Variants in AP4S1 observed in about 807,000 individuals in gnomAD.
The protein encoded by AP4S1 is adaptor related protein complex 4 subunit sigma 1.
In AP4S1, 23 loss-of-function variants were observed where a neutral mutation model predicts 19.8. The ratio of observed to expected loss-of-function variants is 1.16; its 90% CI spans 0.84 to 1.65. The LOEUF is 1.65. AP4S1 is among the 40% of genes most tolerant of loss of function. The pLI is 0.00. For synonymous variants in AP4S1, 46 were observed against 54.1 expected (o/e 0.85, Z 0.66); for missense variants, 166 against 172.8 (o/e 0.96, Z 0.22).
intron 5 of AP4S1, chr14:31,085,462 G>C: frequency 2.0e-6 from 2 of 986,110 alleles, no homozygotes; most frequent in Non-Finnish European, 2.4e-6. Flanking sequence ...CTAGAATCCG[G>C]AATGTTTTCT....
At chr14:31,083,218 G>T (rs954551518) in intron 5 of AP4S1, among the ~76,000 whole-genome samples, 1 of 152,068 alleles carries the variant, frequency 6.6e-6, no homozygotes, top group Non-Finnish European at 1.5e-5. Context: ...AAAATTTTAC[G>T]TCAAGATACA....
intron 4 of AP4S1, among the ~76,000 whole-genome samples, chr14:31,073,820 A>G (rs1887196919): frequency 6.6e-6 from 1 of 150,770 alleles, no homozygotes; most frequent in Admixed American, 6.6e-5. Flanking sequence ...CTGGGATTAC[A>G]GGCGTGAGCC....
At chr14:31,027,728 A>G (rs1274565379) in intron 1 of AP4S1, among the ~76,000 whole-genome samples, 1 of 152,230 alleles carries the variant, frequency 6.6e-6, no homozygotes, top group Non-Finnish European at 1.5e-5. Flanking sequence ...TATTTTAAGT[A>G]CAATAGTGGG....
intron 4 of AP4S1, among the ~76,000 whole-genome samples, chr14:31,073,485 G>C (rs12880501): frequency 0.45 from 65,570 of 145,226 alleles, 16,395 homozygotes; most frequent in Admixed American, 0.6. Flanking sequence ...GCGAGACTCC[G>C]TCTCAGAAAA....
intron 1 of AP4S1, among the ~76,000 whole-genome samples, chr14:31,049,258 C>T (rs1254888562): frequency 6.7e-6 from 1 of 150,108 alleles, no homozygotes; most frequent in African/African-American, 2.4e-5. Context: ...CTAAAAAATA[C>T]AAAAAATTAG....
chr14:31,051,993 G>A lies in AP4S1; in HGVS notation c.-71-14133G>A, dbSNP rs114120103. On this transcript the variant is annotated intron_variant, in intron 1 of 5. Transcript: ENST00000542754. ...ATTTTAATAATTAAAAGACATGGCC[G>A]GGTGAGATGACTCACTCCTATAATG... Among the ~76,000 whole-genome samples the A allele has an allele frequency of 1.0e-2, 1,516 of 152,216 alleles. 31 individuals are homozygous for A. The highest frequency in any genetic ancestry group is 0.033 in the African/African-American group (1,372 of 41,524).
At position 31,025,712 on chromosome 14, in the gene AP4S1, C is replaced by G; in HGVS notation, c.-147C>G. ...CGCGTAGCCAGTGAAGGTTGGGGAG[C>G]AAGCTTATGCGGGAAAGAGGGAGGG... On this transcript the variant is annotated 5_prime_UTR_variant, in exon 1 of 6. Transcript: ENST00000542754. The G allele has an allele frequency of 6.0e-6, 5 of 827,546 alleles. No homozygotes were observed. The highest frequency in any genetic ancestry group is 9.1e-6 in the Non-Finnish European group (5 of 551,574). 51.3% of individuals were successfully genotyped at this position (827,546 alleles called of 1,614,324 possible). A position where few individuals can be genotyped will look rare whatever the true frequency, so the allele number is the denominator to read the frequency against.
Position 31,095,386 on chromosome 14 carries a change from G to GC in AP4S1, c.*2355dup, listed in dbSNP as rs1380537593. ...TAATGGATGGTCAGACATTAAGACA[G>GC]CCCCAGAGAGCCCCTACAGCTATCC... On this transcript the variant is annotated 3_prime_UTR_variant, in exon 6 of 6. Transcript: ENST00000542754. The GC allele has an allele frequency of 6.6e-6, 1 of 152,114 alleles. No homozygotes were observed. The highest frequency in any genetic ancestry group is 1.5e-5 in the Non-Finnish European group (1 of 68,050). The allele number at this position is 152,114 out of a possible 1,614,324, so 9.4% of individuals were successfully genotyped here.
intron 1 of AP4S1, among the ~76,000 whole-genome samples, chr14:31,031,995 C>A (rs905580396): frequency 6.8e-6 from 1 of 147,054 alleles, no homozygotes; most frequent in Non-Finnish European, 1.5e-5. Context: ...TATTTGAGCG[C>A]GGGAGGTTGA....
At chr14:31,027,373 G>C (rs531565623) in intron 1 of AP4S1, 2 of 152,260 alleles carry the variant, frequency 1.3e-5, no homozygotes, top group African/African-American at 4.8e-5. Context: ...AAATGTTTAA[G>C]TGAATATGGC....
chr14:31,030,026 G>T (rs113651830), intron 1 of AP4S1, among the ~76,000 whole-genome samples: 1 of 151,120 alleles, frequency 6.6e-6, no homozygotes, highest in Non-Finnish European at 1.5e-5. Context: ...TGTCACCCAG[G>T]CTGGAGTGCA....
chr14:31,026,363 C>T (rs2139381962), intron 1 of AP4S1: 1 of 431,068 alleles, frequency 2.3e-6, no homozygotes, highest in Non-Finnish European at 3.7e-6. Context: ...GCCGCCATTA[C>T]AATCCCTCCT....
chr14:31,072,884 A>G, intron 3 of AP4S1, 21 bp from the exon 4 acceptor site: 2 of 1,596,228 alleles, frequency 1.3e-6, no homozygotes, highest in Non-Finnish European at 1.7e-6. Flanking sequence ...AATTGATTGT[A>G]CCTTTCTTCT....
chr14:31,069,796 A>T, intron 2 of AP4S1, 47 bp from the exon 3 acceptor site: 1 of 1,409,608 alleles, frequency 7.1e-7, no homozygotes, highest in Non-Finnish European at 1.0e-6. Context: ...ATTTTAAAGA[A>T]CTCTCTCTCA....
intron 1 of AP4S1, among the ~76,000 whole-genome samples, chr14:31,034,467 T>C (rs1440377798): frequency 1.3e-5 from 2 of 152,004 alleles, no homozygotes; most frequent in Admixed American, 6.6e-5. Context: ...TAGACTTTTT[T>C]TGGGGGGGAA....
At chr14:31,058,316 T>C (rs1269590205) in intron 1 of AP4S1, among the ~76,000 whole-genome samples, 4 of 152,186 alleles carry the variant, frequency 2.6e-5, no homozygotes, top group Non-Finnish European at 4.4e-5. Flanking sequence ...TGATTCCTGC[T>C]CTAAGTAACC....
At chr14:31,084,721 A>G (rs750047665) in intron 5 of AP4S1, 2 of 1,612,390 alleles carry the variant, frequency 1.2e-6, no homozygotes, top group African/African-American at 2.7e-5. Flanking sequence ...ATACCTTGGT[A>G]GATTTATTTA....
chr14:31,045,486 C>T (rs923347221), intron 1 of AP4S1, among the ~76,000 whole-genome samples: 4 of 152,176 alleles, frequency 2.6e-5, no homozygotes, highest in African/African-American at 9.6e-5. Context: ...TCACTTGGCA[C>T]TTGTCCGTCC....
intron 5 of AP4S1, chr14:31,083,494 C>CTTTTTT (rs1566545603): frequency 4.0e-5 from 11 of 276,080 alleles, no homozygotes; most frequent in African/African-American, 7.6e-5. Context: ...TCTGTTGACA[C>CTTTTTT]TCTTTTTTTT....
Sources: gnomAD v4.1 joint callset for allele counts (sites outside exome capture counted in the v4.1 genomes callset) on GRCh38, gnomAD v4.1.1 for gene constraint, MANE v1.5 for transcripts, NCBI Gene and HGNC (gene_info 2026-07-23, HGNC 2026-07-21) for gene names.